IQSEC1: variants seen among roughly 807,000 people sequenced by gnomAD.
IQSEC1 encodes the protein IQ motif and SEC7 domain-containing protein 1.
A neutral mutation model predicts 91.0 loss-of-function variants in IQSEC1; 31 were observed. The observed-to-expected ratio is 0.34, with a 90% CI of 0.26 to 0.46. IQSEC1 has a LOEUF of 0.46. Among genes scored for constraint, IQSEC1 ranks in the 20% least tolerant of loss-of-function variants. IQSEC1 has a pLI of 1.00. For synonymous variants in IQSEC1, 699 were observed against 662.6 expected, an observed-to-expected ratio of 1.05 and a Z score of -0.84; for missense variants, 1,388 against 1,575.6, an observed-to-expected ratio of 0.88 and a Z score of 2.02.
Position 13,282,148 on chromosome 3 carries a change from T to C in IQSEC1, c.272+563A>G, listed in dbSNP as rs918364546. ...AATCCCAGGGCGAGGCAGTCGGGAA[T>C]TAACCCCAGCCTTGAAGTAAGAGAC... On this transcript the variant is annotated intron_variant, in intron 1 of 15. Transcript: ENST00000648114. This position sits in a 1 kb window ranked among gnomAD's most constrained non-coding sequence, Gnocchi z 6.4. 8.5e-5 allele frequency among the ~76,000 whole-genome samples: 13 copies of C among 152,124 alleles called. No homozygotes were observed. The highest frequency in any genetic ancestry group is 6.5e-4 in the Admixed American group (10 of 15,284).
intron 1 of IQSEC1, among the ~76,000 whole-genome samples, chr3:13,043,655 C>A (rs1228010959): frequency 6.6e-6 from 1 of 152,250 alleles, no homozygotes; most frequent in Admixed American, 6.5e-5. Flanking sequence ...CTGTCTTTCT[C>A]CTGACTACAA....
At position 12,899,812 on chromosome 3, in the gene IQSEC1, G is replaced by A. The variant is rs1575823667; in HGVS notation, c.*1171C>T. On this transcript the variant is annotated 3_prime_UTR_variant, in exon 14 of 14. Coordinates refer to ENST00000613206, the MANE Select transcript of IQSEC1 (RefSeq NM_001134382.3). Reference sequence around the variant, plus strand: ...AACACTCTCTGAGGGCTTCGGCCTGGTGTGGGTTGGAGGCGGGATGAGGAC... The same window carrying A: ...AACACTCTCTGAGGGCTTCGGCCTGATGTGGGTTGGAGGCGGGATGAGGAC... 1 of 985,422 alleles carries A rather than the reference G, an allele frequency of 1.0e-6. No individual in the cohort carries two copies. Among genetic ancestry groups the A allele is most frequent in the Non-Finnish European group, 1.2e-6 (1 of 829,940 alleles). 61.0% of individuals were successfully genotyped at this position (985,422 alleles called of 1,614,324 possible). A position where few individuals can be genotyped will look rare whatever the true frequency, so the allele number is the denominator to read the frequency against.
In IQSEC1 at chr3:13,036,646, C is replaced by T. The variant is rs987103682; in HGVS notation, c.23+36346G>A. 5.3e-5 allele frequency among the ~76,000 whole-genome samples: 8 copies of T among 152,008 alleles called. No homozygotes were observed. The East Asian group carries it at 5.8e-4, about 11-fold the overall frequency. On this transcript the variant is annotated intron_variant, in intron 1 of 13. Coordinates refer to ENST00000613206, the MANE Select transcript of IQSEC1 (RefSeq NM_001134382.3). The stretch of plus-strand genomic sequence containing the variant: ...GGGCATCAGCGGTGTGGGGGGTGCC[C>T]GACAGCCCTGGATGAGCCCAGGAAG...
chr3:12,937,684 C>A (rs892235404), intron 2 of IQSEC1, among the ~76,000 whole-genome samples: 5 of 152,216 alleles, frequency 3.3e-5, no homozygotes, highest in Admixed American at 1.3e-4. Context: ...GAGACAGAGG[C>A]CAAGGGCTGG....
chr3:13,109,127 G>A (rs977787510), intron 2 of IQSEC1, among the ~76,000 whole-genome samples: 10 of 152,140 alleles, frequency 6.6e-5, no homozygotes, highest in Admixed American at 1.3e-4. Context: ...CTGGGGAATC[G>A]CGGGGTGGTG....
At chr3:13,125,374 A>G (rs1044393068) in intron 2 of IQSEC1, among the ~76,000 whole-genome samples, 49 of 152,028 alleles carry the variant, frequency 3.2e-4, no homozygotes, top group African/African-American at 1.2e-3. Flanking sequence ...GCTCTCTGTC[A>G]TTGCTCCCAG....
chr3:13,093,876 C>A (rs900053187), intron 2 of IQSEC1, among the ~76,000 whole-genome samples: 1 of 152,166 alleles, frequency 6.6e-6, no homozygotes, highest in African/African-American at 2.4e-5. Context: ...TCCAGCCTGG[C>A]CAATCAGAGC....
chr3:12,914,374 C>T (rs990038220), intron 8 of IQSEC1, among the ~76,000 whole-genome samples: 20 of 152,206 alleles, frequency 1.3e-4, no homozygotes, highest in African/African-American at 3.6e-4. Context: ...CCGGGATCAC[C>T]GTCCTGAGGC....
intron 1 of IQSEC1, among the ~76,000 whole-genome samples, chr3:13,034,109 C>A (rs956850645): frequency 6.6e-6 from 1 of 152,190 alleles, no homozygotes; most frequent in African/African-American, 2.4e-5. Context: ...GGGGTTACGA[C>A]GTCAGCATGT....
At chr3:13,136,074 G>A (rs1706705373) in intron 2 of IQSEC1, among the ~76,000 whole-genome samples, 1 of 152,224 alleles carries the variant, frequency 6.6e-6, no homozygotes, top group East Asian at 1.9e-4. Flanking sequence ...CCACAGGGCC[G>A]CCTGCGGGAC....
intron 1 of IQSEC1, among the ~76,000 whole-genome samples, chr3:13,169,241 A>C (rs1693560324): frequency 6.6e-6 from 1 of 151,880 alleles, no homozygotes. Context: ...ATGATTTTAT[A>C]AGGGGGAGTT....
intron 1 of IQSEC1, among the ~76,000 whole-genome samples, chr3:13,012,976 T>C (rs1235888451): frequency 6.8e-6 from 1 of 147,888 alleles, no homozygotes; most frequent in Admixed American, 6.7e-5. Context: ...TTTTTTTTTT[T>C]TTTTGAGACA....
intron 1 of IQSEC1, among the ~76,000 whole-genome samples, chr3:13,181,651 T>C (rs899721304): frequency 2.0e-5 from 3 of 152,202 alleles, no homozygotes; most frequent in Non-Finnish European, 4.4e-5. Flanking sequence ...TCCTACAGCA[T>C]GGCTGGTGCC....
In IQSEC1 at chr3:12,935,541, T is replaced by G; in HGVS notation, c.1475A>C (p.His492Pro). Residue 492 changes from histidine to proline, a missense_variant, in exon 3 of 14, where the codon CAC (histidine) becomes CCC (proline). Physicochemically the swap from His to Pro is moderately conservative, Grantham distance 77 (BLOSUM62 -2). Transcript: ENST00000613206. The surrounding 1 kb of genome is among the most constrained non-coding windows in gnomAD (Gnocchi z 8.0). ...REQTLSKQTY[H>P]KEARNSWDSP... ...GTCCCAGCTGTTGCGGGCCTCCTTG[T>G]GGTAGGTCTGCTTGCTGAGCGTCTG... 1 of 1,614,030 alleles carries G rather than the reference T, an allele frequency of 6.2e-7. No individual in the cohort carries two copies. The highest frequency in any genetic ancestry group is 8.5e-7 in the Non-Finnish European group (1 of 1,179,976).
chr3:12,905,582 G>C (rs773921034), intron 12 of IQSEC1, among the ~76,000 whole-genome samples: 9 of 152,266 alleles, frequency 5.9e-5, no homozygotes, highest in Non-Finnish European at 1.3e-4. Flanking sequence ...TCTGATTCTG[G>C]CATCTGCGTG....
At chr3:12,913,690 A>G (rs543986866) in intron 8 of IQSEC1, 137 bp from the exon 9 acceptor site, 337 of 699,214 alleles carry the variant, frequency 4.8e-4, no homozygotes, top group Non-Finnish European at 4.8e-4. Context: ...CTTCCCTCAC[A>G]GACATTGAAG....
intron 2 of IQSEC1, among the ~76,000 whole-genome samples, chr3:13,144,499 T>A (rs1706855336): frequency 6.6e-6 from 1 of 152,188 alleles, no homozygotes; most frequent in South Asian, 2.1e-4. Flanking sequence ...CGGCATGGCA[T>A]CAACAGTCAC....
intron 1 of IQSEC1, among the ~76,000 whole-genome samples, chr3:13,238,097 C>G (rs1694962525): frequency 6.6e-6 from 1 of 152,168 alleles, no homozygotes; most frequent in Admixed American, 6.5e-5. Context: ...TGGGGCAGAT[C>G]CTGGCACCCA....
chr3:13,000,437 G>A (rs935752077), intron 1 of IQSEC1, among the ~76,000 whole-genome samples: 17 of 152,120 alleles, frequency 1.1e-4, no homozygotes, highest in African/African-American at 3.9e-4. Context: ...TTGAGACAGT[G>A]GGGCCAGGTA....
Sources: gnomAD v4.1 joint callset for allele counts (sites outside exome capture counted in the v4.1 genomes callset) on GRCh38, gnomAD v4.1.1 for gene constraint, Gnocchi (gnomAD v3.1) non-coding constraint, MANE v1.5 for transcripts, NCBI Gene and HGNC (gene_info 2026-07-23, HGNC 2026-07-21) for gene names.